The following KIF6 variants were observed in gnomAD, a reference collection of about 807,000 sequenced individuals.
The protein encoded by KIF6 is kinesin-like protein KIF6.
In KIF6, 106 loss-of-function variants were observed where a neutral mutation model predicts 112.7. The ratio of observed to expected loss-of-function variants is 0.94; its 90% confidence interval spans 0.80 to 1.11. KIF6 has a LOEUF of 1.11. KIF6 is among the 50% of genes least tolerant of loss of function. KIF6 has a pLI of 0.00. For synonymous variants in KIF6, 339 were observed against 339.9 expected (o/e 1.00, Z 0.03); for missense variants, 929 against 964.0 (o/e 0.96, Z 0.48).
chr6:39,683,869 C>T (rs1472425289), intron 3 of KIF6, among the ~76,000 whole-genome samples: 1 of 152,066 alleles, frequency 6.6e-6, no homozygotes, highest in Admixed American at 6.5e-5. Context: ...AGGTTCAGAC[C>T]TGGTGTGGAT....
intron 3 of KIF6, among the ~76,000 whole-genome samples, chr6:39,697,467 A>G (rs1788611146): frequency 6.6e-6 from 1 of 152,130 alleles, no homozygotes; most frequent in East Asian, 1.9e-4. Context: ...TCCCTTTTGC[A>G]GGGGGTTTCC....
Position 39,342,608 on chromosome 6 carries a change from TTTATTTTTTTTTATTTTTTTTTA to T in KIF6, c.2428+1078_2428+1100del, listed in dbSNP as rs1190993441. 9.1e-4 allele frequency among the ~76,000 whole-genome samples: 105 copies of T among 115,848 alleles called. 12 individuals are homozygous for T. The highest frequency in any genetic ancestry group is 4.4e-3 in the African/African-American group (102 of 22,974). The allele number at this position is 115,848 out of a possible 152,430, so 76.0% of individuals were successfully genotyped here. On this transcript the variant is annotated intron_variant, in intron 22 of 22. Transcript: ENST00000287152. The surrounding 1 kb of genome is among the most constrained non-coding windows in gnomAD (Gnocchi z 4.7). ...CACTGAATCCAGTTTTTTATTTTTT[TTTATTTTTTTTTATTTTTTTTTA>T]TTTTTAGACAAGGAAACTGAGAATG...
intron 3 of KIF6, among the ~76,000 whole-genome samples, chr6:39,658,129 TGTTAA>T (rs1449842830): frequency 1.3e-5 from 2 of 152,236 alleles, no homozygotes; most frequent in African/African-American, 4.8e-5. Context: ...ATGCATTATG[TGTTAA>T]GTTTAGACAC....
At chr6:39,501,141 C>T (rs1776110555) in intron 13 of KIF6, among the ~76,000 whole-genome samples, 1 of 152,122 alleles carries the variant, frequency 6.6e-6, no homozygotes, top group Non-Finnish European at 1.5e-5. Context: ...GGAATTCCCA[C>T]CCCTAGCCAA....
At chr6:39,487,028 TAACAGTAAC>T (rs1256661309) in intron 13 of KIF6, among the ~76,000 whole-genome samples, 1 of 152,198 alleles carries the variant, frequency 6.6e-6, no homozygotes, top group Non-Finnish European at 1.5e-5. Flanking sequence ...CAAATGTTGT[TAACAGTAAC>T]AACAAATAAT....
At chr6:39,399,876 G>A (rs1014129338) in intron 15 of KIF6, among the ~76,000 whole-genome samples, 1 of 152,198 alleles carries the variant, frequency 6.6e-6, no homozygotes, top group Non-Finnish European at 1.5e-5. Context: ...CCATCGCCAG[G>A]GCCACAGGGT....
intron 13 of KIF6, among the ~76,000 whole-genome samples, chr6:39,500,245 T>C (rs1210658727): frequency 1.3e-5 from 2 of 152,140 alleles, no homozygotes; most frequent in Non-Finnish European, 2.9e-5. Context: ...AAGTTAAGAA[T>C]GGACACAAAG....
At position 39,393,163 on chromosome 6, in the gene KIF6, G is replaced by A. The variant is rs1358967704; in HGVS notation, c.1811-7491C>T. On this transcript the variant is annotated intron_variant, in intron 15 of 22. Coordinates refer to ENST00000287152, the MANE Select transcript of KIF6 (RefSeq NM_145027.6). ...TTCATACCCAAACTATCATTCACAG[G>A]TGAGGGCACAGTAAAGACATTATCA... Among the ~76,000 whole-genome samples the A allele has an allele frequency of 2.0e-5, 3 of 152,286 alleles. No homozygotes were observed. In the East Asian group the frequency reaches 5.8e-4, roughly 29 times the overall value.
chr6:39,433,004 T>C (rs1771270712), intron 13 of KIF6, among the ~76,000 whole-genome samples: 1 of 151,078 alleles, frequency 6.6e-6, no homozygotes, highest in Non-Finnish European at 1.5e-5. Context: ...GGGGTGGGAG[T>C]GAAAGCTTGC....
In KIF6 at chr6:39,699,627, GA is replaced by G. The variant is rs200481236; in HGVS notation, c.251+15064del. 1.1e-4 allele frequency among the ~76,000 whole-genome samples: 17 copies of G among 152,202 alleles called. No homozygotes were observed. In the East Asian group the frequency reaches 2.9e-3, roughly 26 times the overall value. ...CAATGAAAATGCAGGGCCCCTTGTT[GA>G]AAAAGTAGAGGAAAAGTGCTGTTAA... On this transcript the variant is annotated intron_variant, in intron 3 of 22. Transcript: ENST00000287152.
At chr6:39,492,583 G>A (rs17457033) in intron 13 of KIF6, among the ~76,000 whole-genome samples, 6,452 of 152,268 alleles carry the variant, frequency 0.042, 169 homozygotes, top group South Asian at 0.079. Context: ...TCCAGTGAAG[G>A]ACCTGGAGAT....
intron 13 of KIF6, among the ~76,000 whole-genome samples, chr6:39,463,178 C>A (rs371841523): frequency 2.6e-5 from 4 of 152,242 alleles, no homozygotes; most frequent in South Asian, 4.1e-4. Flanking sequence ...GAATGGGTAA[C>A]ATGTAATCTT....
chr6:39,613,068 G>T, intron 6 of KIF6, 121 bp downstream of exon 6: 4 of 727,554 alleles, frequency 5.5e-6, no homozygotes, highest in Non-Finnish European at 5.9e-6. Flanking sequence ...GTTTGGACGA[G>T]ATTATTTTTA....
chr6:39,495,042 A>G (rs1175251204), intron 13 of KIF6, among the ~76,000 whole-genome samples: 1 of 152,104 alleles, frequency 6.6e-6, no homozygotes, highest in Non-Finnish European at 1.5e-5. Flanking sequence ...CACAACTCCC[A>G]CTCCATGTTG....
intron 10 of KIF6, among the ~76,000 whole-genome samples, chr6:39,563,932 A>G (rs1780150657): frequency 6.6e-6 from 1 of 152,214 alleles, no homozygotes; most frequent in South Asian, 2.1e-4. Context: ...TTGATAATTA[A>G]CCAGTTGTTT....
At position 39,330,052 on chromosome 6, in the gene KIF6, TAA is replaced by T. The variant is rs1390098153; in HGVS notation, c.*6478_*6479del. The T allele has an allele frequency of 6.6e-6, 1 of 152,190 alleles. No individual in the cohort carries two copies. Among genetic ancestry groups the T allele is most frequent in the African/African-American group, 2.4e-5 (1 of 41,436 alleles). 9.4% of individuals were successfully genotyped at this position (152,190 alleles called of 1,614,324 possible). On this transcript the variant is annotated 3_prime_UTR_variant, in exon 23 of 23. Transcript: ENST00000287152. ...ATGACGATTCTTTGTCCTATGATGT[TAA>T]GAGTCCATCAAATCAGCATGTTAGC...
chr6:39,554,135 C>T (rs576238145), intron 10 of KIF6: 14 of 157,796 alleles, frequency 8.9e-5, no homozygotes, highest in African/African-American at 2.6e-4. Context: ...ATCGAGGAAC[C>T]GCAGAAGCAA....
At chr6:39,469,854 T>C (rs1348772632) in intron 13 of KIF6, among the ~76,000 whole-genome samples, 1 of 152,092 alleles carries the variant, frequency 6.6e-6, no homozygotes, top group Admixed American at 6.5e-5. Flanking sequence ...TCAACAATAA[T>C]ATTTGGAGAT....
chr6:39,600,683 A>G (rs1343998143), intron 6 of KIF6, among the ~76,000 whole-genome samples: 5 of 152,062 alleles, frequency 3.3e-5, no homozygotes, highest in Non-Finnish European at 7.4e-5. Flanking sequence ...TGCAGTCCCT[A>G]AAAATAGGTG....
Sources: allele counts gnomAD v4.1 joint callset (sites outside exome capture counted in the v4.1 genomes callset), GRCh38; gene constraint gnomAD v4.1.1; non-coding constraint Gnocchi (gnomAD v3.1); transcripts MANE v1.5; gene names NCBI Gene and HGNC (gene_info 2026-07-23, HGNC 2026-07-21).